The following GALNT10 variants were observed in gnomAD, a reference collection of about 807,000 sequenced individuals.
GALNT10 encodes GalNAc transferase 10.
GALNT10 carries 41 observed loss-of-function variants against 75.0 expected under a neutral mutation model. The observed-to-expected ratio is 0.55, with a 90% confidence interval of 0.43 to 0.71. The LOEUF (loss-of-function observed/expected upper bound fraction) is 0.71. GALNT10 is among the 30% of genes least tolerant of loss of function. GALNT10 has a pLI of 0.00. For synonymous variants in GALNT10, 302 were observed against 313.0 expected (o/e 0.96, Z 0.37); for missense variants, 727 against 818.5 (o/e 0.89, Z 1.36).
chr5:154,280,911 C>CT (rs141380895), intron 1 of GALNT10, among the ~76,000 whole-genome samples: 6,320 of 152,168 alleles, frequency 0.042, 159 homozygotes, highest in Middle Eastern at 0.13. Flanking sequence ...TTCTTAGTGC[C>CT]TTTGTTCAAA....
chr5:154,361,923 A>G (rs762456487), intron 4 of GALNT10, among the ~76,000 whole-genome samples: 1 of 152,228 alleles, frequency 6.6e-6, no homozygotes, highest in Non-Finnish European at 1.5e-5. Context: ...GCCATGTGGC[A>G]TTGCTGGCAA....
At chr5:154,349,953 A>G (rs1163525938) in intron 4 of GALNT10, among the ~76,000 whole-genome samples, 5 of 152,176 alleles carry the variant, frequency 3.3e-5, no homozygotes, top group African/African-American at 1.2e-4. Context: ...TTAAAATTCA[A>G]TAAAATTAAA....
intron 4 of GALNT10, chr5:154,330,021 A>T (rs1754828350): frequency 3.7e-6 from 1 of 269,564 alleles, no homozygotes. Flanking sequence ...GTAAGGATTC[A>T]TTCACTTATC....
At chr5:154,325,706 A>G (rs953512800) in intron 3 of GALNT10, among the ~76,000 whole-genome samples, 42 of 152,046 alleles carry the variant, frequency 2.8e-4, no homozygotes, top group Non-Finnish European at 1.6e-4. Flanking sequence ...AACTAGGAAT[A>G]GAAAGGAACT....
chr5:154,314,477 A>G (rs1754568979), intron 3 of GALNT10, among the ~76,000 whole-genome samples: 2 of 152,142 alleles, frequency 1.3e-5, no homozygotes, highest in Non-Finnish European at 2.9e-5. Context: ...CAAGGAGCAC[A>G]AATGATATGA....
intron 3 of GALNT10, among the ~76,000 whole-genome samples, chr5:154,318,444 A>AATAT (rs5872371): frequency 6.7e-6 from 1 of 150,064 alleles, no homozygotes; most frequent in Non-Finnish European, 1.5e-5. Flanking sequence ...ATAAAATACT[A>AATAT]ATATATATAT....
At chr5:154,237,356 G>T (rs11739888) in intron 1 of GALNT10, among the ~76,000 whole-genome samples, 14,707 of 152,278 alleles carry the variant, frequency 0.097, 931 homozygotes, top group Non-Finnish European at 0.14. Context: ...AGCGTTTTGA[G>T]AGGAGAGAAG....
intron 1 of GALNT10, among the ~76,000 whole-genome samples, chr5:154,263,849 A>G (rs1354417449): frequency 6.6e-6 from 1 of 152,214 alleles, no homozygotes; most frequent in Non-Finnish European, 1.5e-5. Flanking sequence ...CAGAGGGGAC[A>G]CAAACATTCA....
In GALNT10 at chr5:154,329,389, G is replaced by A. The variant is rs924707116; in HGVS notation, c.402-183G>A. On this transcript the variant is annotated intron_variant, in intron 3 of 11. Coordinates refer to ENST00000297107, the MANE Select transcript of GALNT10 (RefSeq NM_198321.4). ...CGCGTGTGCTGTATATGCAGAGATT[G>A]GAGGTAGGACTTTGGGATGTCATGT... The A allele has an allele frequency of 5.0e-6, 3 of 600,068 alleles. No individual in the cohort carries two copies. In the African/African-American group the frequency reaches 5.6e-5, roughly 11 times the overall value. The allele number at this position is 600,068 out of a possible 1,614,324, so 37.2% of individuals were successfully genotyped here. A position where few individuals can be genotyped will look rare whatever the true frequency, so the allele number is the denominator to read the frequency against.
At chr5:154,394,573 G>A (rs1181142091) in intron 7 of GALNT10, among the ~76,000 whole-genome samples, 1 of 152,150 alleles carries the variant, frequency 6.6e-6, no homozygotes, top group Non-Finnish European at 1.5e-5. Flanking sequence ...CTGGTGGTAG[G>A]AGTAGAGAAA....
intron 1 of GALNT10, among the ~76,000 whole-genome samples, chr5:154,217,262 G>C (rs1004438503): frequency 2.9e-4 from 44 of 152,122 alleles, no homozygotes; most frequent in African/African-American, 1.0e-3. Flanking sequence ...CGCTACAGTG[G>C]CTTCCGCCTA....
chr5:154,294,935 T>A lies in GALNT10; in HGVS notation c.262+17T>A, dbSNP rs1486192220. On this transcript the variant is annotated intron_variant, in intron 2 of 11. Coordinates refer to ENST00000297107, the MANE Select transcript of GALNT10 (RefSeq NM_198321.4). The stretch of plus-strand genomic sequence containing the variant: ...AGCGCGTAGGTACGGAGGGCAGGAT[T>A]GGCCATGGGTGGGCTCTGTGAAGGG... The A allele has an allele frequency of 1.7e-6, 2 of 1,190,858 alleles. No homozygotes were observed. The highest frequency in any genetic ancestry group is 3.0e-5 in the African/African-American group (2 of 66,842). The allele number at this position is 1,190,858 out of a possible 1,614,324, so 73.8% of individuals were successfully genotyped here.
At chr5:154,360,483 T>C (rs991688059) in intron 4 of GALNT10, among the ~76,000 whole-genome samples, 1 of 149,378 alleles carries the variant, frequency 6.7e-6, no homozygotes, top group African/African-American at 2.5e-5. Flanking sequence ...AAAACCGCAC[T>C]GGATCCACAT....
intron 9 of GALNT10, among the ~76,000 whole-genome samples, chr5:154,410,646 A>T (rs1285867437): frequency 1.3e-5 from 2 of 152,182 alleles, no homozygotes; most frequent in Non-Finnish European, 2.9e-5. Context: ...AAAGAACATG[A>T]CAGGACTTGT....
chr5:154,390,803 C>G (rs571358813), intron 7 of GALNT10, among the ~76,000 whole-genome samples: 30 of 152,282 alleles, frequency 2.0e-4, no homozygotes, highest in African/African-American at 6.5e-4. Context: ...TTTCAAAGAC[C>G]CATCTACTGA....
intron 1 of GALNT10, among the ~76,000 whole-genome samples, chr5:154,250,574 G>A (rs1753501023): frequency 6.6e-6 from 1 of 152,112 alleles, no homozygotes; most frequent in Non-Finnish European, 1.5e-5. Flanking sequence ...AAGATGGCTG[G>A]TGCAGTTCCA....
intron 1 of GALNT10, among the ~76,000 whole-genome samples, chr5:154,191,831 A>G (rs939179073): frequency 2.0e-4 from 30 of 152,196 alleles, no homozygotes; most frequent in Non-Finnish European, 5.9e-5. Context: ...GAACTTGTCT[A>G]GTCTGGTTAG....
At chr5:154,249,335 T>TC (rs1306739873) in intron 1 of GALNT10, among the ~76,000 whole-genome samples, 1 of 152,108 alleles carries the variant, frequency 6.6e-6, no homozygotes, top group African/African-American at 2.4e-5. Flanking sequence ...CTCTTTCTGT[T>TC]CCTTTTGAGC....
chr5:154,363,806 T>C (rs1755434685), intron 4 of GALNT10, among the ~76,000 whole-genome samples: 1 of 152,222 alleles, frequency 6.6e-6, no homozygotes, highest in South Asian at 2.1e-4. Flanking sequence ...CTCACAAGTG[T>C]ACCTGAGTGA....
Sources: gnomAD v4.1 joint callset for allele counts (sites outside exome capture counted in the v4.1 genomes callset) on GRCh38, gnomAD v4.1.1 for gene constraint, MANE v1.5 for transcripts, NCBI Gene and HGNC (gene_info 2026-07-23, HGNC 2026-07-21) for gene names.